IQGAP2: variants seen among roughly 807,000 people sequenced by gnomAD.
IQGAP2 encodes the protein ras GTPase-activating-like protein IQGAP2.
Under a neutral mutation model 201.3 loss-of-function variants are expected in IQGAP2, and 173 were observed. The ratio of observed to expected loss-of-function variants is 0.86; its 90% CI spans 0.76 to 0.98. The LOEUF (loss-of-function observed/expected upper bound fraction) is 0.98. IQGAP2 is among the 50% of genes least tolerant of loss of function. The pLI, the probability that IQGAP2 is intolerant of heterozygous loss-of-function variation, is 0.00. For missense variants in IQGAP2, 1,687 were observed against 1,864.8 expected, an observed-to-expected ratio of 0.90 and a Z score of 1.76; for synonymous variants, 675 against 673.9, an observed-to-expected ratio of 1.00 and a Z score of -0.03.
chr5:76,606,447 G>A, intron 12 of IQGAP2, 144 bp downstream of exon 12: 1 of 544,836 alleles, frequency 1.8e-6, no homozygotes, highest in South Asian at 3.8e-5. Flanking sequence ...TTTATTTATA[G>A]GTAGATTTTA....
intron 28 of IQGAP2, 47 bp from the exon 29 acceptor site, chr5:76,683,068 T>A: frequency 8.4e-7 from 1 of 1,186,962 alleles, no homozygotes; most frequent in Non-Finnish European, 1.2e-6. Context: ...ATGGTACAGT[T>A]GAGAATTTAC....
In IQGAP2 at chr5:76,611,030, T is replaced by C. The variant is rs1748358041; in HGVS notation, c.1368T>C (p.Ala456=). ...TTCTTCATTTTCTAGGAGTTGTAGCTGTAGGGTACATCAATGAAGCTATTG... is the reference window on the plus strand; with the variant it reads ...TTCTTCATTTTCTAGGAGTTGTAGCCGTAGGGTACATCAATGAAGCTATTG... ...QIQEENDRVV[A]VGYINEAIDE... is the part of the protein sequence containing the mutation. The change falls in exon 13 of 36, where the codon GCT becomes GCC. Residue 456 remains alanine (A), a synonymous_variant. Coordinates refer to ENST00000274364, the MANE Select transcript of IQGAP2 (RefSeq NM_006633.5). 6.2e-7 allele frequency: 1 copy of C among 1,612,324 alleles called. No individual in the cohort carries two copies. The highest frequency in any genetic ancestry group is 8.5e-7 in the Non-Finnish European group (1 of 1,179,298).
intron 8 of IQGAP2, among the ~76,000 whole-genome samples, chr5:76,591,396 G>C (rs938989330): frequency 6.6e-6 from 1 of 150,646 alleles, no homozygotes; most frequent in Non-Finnish European, 1.5e-5. Context: ...GCTCCTAATC[G>C]TAACTCCATT....
At chr5:76,431,638 C>T (rs1310104383) in intron 1 of IQGAP2, among the ~76,000 whole-genome samples, 1 of 152,092 alleles carries the variant, frequency 6.6e-6, no homozygotes, top group Non-Finnish European at 1.5e-5. Context: ...TCCTGGCCAA[C>T]ATGGTGAAAC....
intron 2 of IQGAP2, chr5:76,510,656 A>T: frequency 1.9e-6 from 1 of 535,112 alleles, no homozygotes; most frequent in Non-Finnish European, 3.8e-6. Context: ...TCCTTTGGGG[A>T]CTGCCACCGC....
chr5:76,542,874 G>A (rs1395859819), intron 2 of IQGAP2, among the ~76,000 whole-genome samples: 1 of 152,128 alleles, frequency 6.6e-6, no homozygotes, highest in African/African-American at 2.4e-5. Flanking sequence ...TGTATCCACT[G>A]TTTACGTTAT....
rs1264875033 is a variant in IQGAP2 at position 76,592,923 on chromosome 5, A to C, written c.905A>C (p.Asn302Thr). The C allele has an allele frequency of 3.1e-6, 5 of 1,587,706 alleles. No individual in the cohort carries two copies. Among genetic ancestry groups the C allele is most frequent in the Non-Finnish European group, 3.5e-6 (4 of 1,156,040 alleles). Reference protein sequence around the residue: ...AEIQGNINKVNRQAAVDHINA... With the variant: ...AEIQGNINKVTRQAAVDHINA... Reference sequence around the variant, plus strand: ...ATCCAAGGCAATATTAATAAAGTCAACAGTAAGTAATGGATCGTATGAAGG... The same window carrying C: ...ATCCAAGGCAATATTAATAAAGTCACCAGTAAGTAATGGATCGTATGAAGG... The change falls in exon 9 of 36, where the codon AAC (asparagine) becomes ACC (threonine). Residue 302 changes from asparagine (N) to threonine (T), a missense_variant and splice_region_variant. Physicochemically the swap from Asn to Thr is moderately conservative, Grantham distance 65 (BLOSUM62 0). Coordinates refer to ENST00000274364, the MANE Select transcript of IQGAP2 (RefSeq NM_006633.5).
At chr5:76,650,909 A>G (rs983813501) in intron 17 of IQGAP2, among the ~76,000 whole-genome samples, 3 of 152,184 alleles carry the variant, frequency 2.0e-5, no homozygotes, top group South Asian at 4.1e-4. Flanking sequence ...TGTGACAAAA[A>G]TACTTATATA....
chr5:76,551,791 C>A (rs1743554631), intron 2 of IQGAP2, among the ~76,000 whole-genome samples: 1 of 151,342 alleles, frequency 6.6e-6, no homozygotes, highest in Non-Finnish European at 1.5e-5. Context: ...TGCAGTGAGC[C>A]GAGATGGCGG....
intron 1 of IQGAP2, among the ~76,000 whole-genome samples, chr5:76,422,393 G>A (rs1413730733): frequency 2.0e-5 from 3 of 152,138 alleles, no homozygotes; most frequent in South Asian, 2.1e-4. Flanking sequence ...CTCAGTTGGC[G>A]GCTGTTTTTG....
intron 1 of IQGAP2, among the ~76,000 whole-genome samples, chr5:76,441,089 G>A (rs898909590): frequency 3.3e-5 from 5 of 151,736 alleles, no homozygotes; most frequent in African/African-American, 1.2e-4. Context: ...GACAATCTAG[G>A]CCCTACAAAT....
chr5:76,533,416 C>A (rs1372313194), intron 2 of IQGAP2, among the ~76,000 whole-genome samples: 1 of 152,130 alleles, frequency 6.6e-6, no homozygotes, highest in African/African-American at 2.4e-5. Context: ...AGGAAAAAGA[C>A]ACATATATCT....
At chr5:76,648,872 C>G (rs540389236) in intron 17 of IQGAP2, among the ~76,000 whole-genome samples, 1 of 152,232 alleles carries the variant, frequency 6.6e-6, no homozygotes, top group East Asian at 1.9e-4. Flanking sequence ...AAAGAAAAAG[C>G]AGACTGAAAG....
intron 2 of IQGAP2, among the ~76,000 whole-genome samples, chr5:76,521,654 G>C (rs1446189976): frequency 6.6e-6 from 1 of 152,202 alleles, no homozygotes; most frequent in Non-Finnish European, 1.5e-5. Flanking sequence ...AGACCATCGT[G>C]TGCCTGTCTG....
intron 3 of IQGAP2, among the ~76,000 whole-genome samples, chr5:76,569,321 T>C (rs1478390854): frequency 1.3e-5 from 2 of 152,168 alleles, no homozygotes; most frequent in African/African-American, 4.8e-5. Flanking sequence ...AAATAGAAAT[T>C]TATTCCATTG....
chr5:76,513,568 G>C (rs1206175715), intron 2 of IQGAP2, among the ~76,000 whole-genome samples: 1 of 152,216 alleles, frequency 6.6e-6, no homozygotes, highest in Non-Finnish European at 1.5e-5. Flanking sequence ...CACAGTGAAA[G>C]AGTTAGTGGA....
intron 1 of IQGAP2, among the ~76,000 whole-genome samples, chr5:76,442,912 G>T (rs1261969819): frequency 6.6e-6 from 1 of 152,188 alleles, no homozygotes; most frequent in Non-Finnish European, 1.5e-5. Flanking sequence ...ACTTGAACCT[G>T]GGAGGCAGAG....
chr5:76,525,142 C>T (rs1187197894), intron 2 of IQGAP2, among the ~76,000 whole-genome samples: 2 of 152,172 alleles, frequency 1.3e-5, no homozygotes, highest in Non-Finnish European at 2.9e-5. Context: ...AAGGATGTTA[C>T]CTGATACTCA....
At chr5:76,655,807 C>T (rs1213915861) in intron 20 of IQGAP2, among the ~76,000 whole-genome samples, 1 of 152,194 alleles carries the variant, frequency 6.6e-6, no homozygotes, top group Admixed American at 6.5e-5. Context: ...ACATTTTGTG[C>T]TATCTCCTTA....
Sources: allele counts gnomAD v4.1 joint callset (sites outside exome capture counted in the v4.1 genomes callset), GRCh38; gene constraint gnomAD v4.1.1; transcripts MANE v1.5; gene names NCBI Gene and HGNC (gene_info 2026-07-23, HGNC 2026-07-21).